The following ZFPM2 variants were observed in gnomAD, a reference collection of about 807,000 sequenced individuals.
ZFPM2 encodes the protein zinc finger protein ZFPM2.
ZFPM2 carries 20 observed loss-of-function variants against 98.6 expected under a neutral mutation model. The ratio of observed to expected loss-of-function variants is 0.20; its 90% CI spans 0.14 to 0.29. The LOEUF (loss-of-function observed/expected upper bound fraction) is 0.29, where lower values mean the gene tolerates loss of function less well. ZFPM2 is among the 10% of genes least tolerant of loss of function. The pLI, the probability that ZFPM2 is intolerant of heterozygous loss-of-function variation, is 1.00. For synonymous variants in ZFPM2, 518 were observed against 502.7 expected, an observed-to-expected ratio of 1.03 and a Z score of -0.41; for missense variants, 1,310 against 1,388.6, an observed-to-expected ratio of 0.94 and a Z score of 0.90.
chr8:105,653,333 G>C (rs2130872487), intron 5 of ZFPM2, among the ~76,000 whole-genome samples: 1 of 152,132 alleles, frequency 6.6e-6, no homozygotes, highest in East Asian at 1.9e-4. Context: ...CATTGAAATG[G>C]TAGTTGAATT....
chr8:105,323,181 A>G (rs1052884757), intron 1 of ZFPM2, among the ~76,000 whole-genome samples: 2 of 151,840 alleles, frequency 1.3e-5, no homozygotes, highest in African/African-American at 4.8e-5. Context: ...TTTAGGGTTA[A>G]TTATCTACTG....
chr8:105,769,953 T>A (rs116854928), intron 5 of ZFPM2, among the ~76,000 whole-genome samples: 1,683 of 152,182 alleles, frequency 0.011, 12 homozygotes, highest in Non-Finnish European at 0.016. Context: ...TAAAGAAAGA[T>A]CATCTGTTGT....
At chr8:105,720,711 G>A (rs1003498392) in intron 5 of ZFPM2, among the ~76,000 whole-genome samples, 30 of 151,760 alleles carry the variant, frequency 2.0e-4, no homozygotes, top group Admixed American at 7.2e-4. Context: ...TCAGGTCCCC[G>A]AGACAATCAT....
At chr8:105,660,702 A>G (rs1220214107) in intron 5 of ZFPM2, among the ~76,000 whole-genome samples, 2 of 152,192 alleles carry the variant, frequency 1.3e-5, no homozygotes, top group Non-Finnish European at 2.9e-5. Flanking sequence ...AACTTCTGGT[A>G]TCACCATGCC....
intron 4 of ZFPM2, among the ~76,000 whole-genome samples, chr8:105,591,002 G>A (rs1419010963): frequency 6.6e-6 from 1 of 152,188 alleles, no homozygotes; most frequent in Non-Finnish European, 1.5e-5. Context: ...TCAGTTGTGG[G>A]CAGATAAGTT....
chr8:105,802,960 C>CTT lies in ZFPM2; in HGVS notation c.2878_2879insTT (p.His960LeufsTer14), dbSNP rs1280740222. ...CATTGCTACAAAAGAAGAAAACAGACATTTGTTTCTTCCACAATGCCTTTA... is the reference window on the plus strand; with the variant it reads ...CATTGCTACAAAAGAAGAAAACAGACTTATTTGTTTCTTCCACAATGCCTTTA... On this transcript the variant is annotated frameshift_variant, in exon 8 of 8. Coordinates refer to ENST00000407775, the MANE Select transcript of ZFPM2 (RefSeq NM_012082.4). LOFTEE classifies it high-confidence loss of function. 6.2e-7 allele frequency: 1 copy of CTT among 1,612,680 alleles called. No individual in the cohort carries two copies. Among genetic ancestry groups the CTT allele is most frequent in the East Asian group, 2.2e-5 (1 of 44,830 alleles).
intron 1 of ZFPM2, among the ~76,000 whole-genome samples, chr8:105,397,694 T>C (rs913685776): frequency 2.0e-5 from 3 of 152,160 alleles, no homozygotes; most frequent in Admixed American, 2.0e-4. Context: ...GACAATTAAG[T>C]TTTATTAAAA....
intron 5 of ZFPM2, among the ~76,000 whole-genome samples, chr8:105,641,117 A>T (rs1586168144): frequency 6.6e-6 from 1 of 152,062 alleles, no homozygotes; most frequent in East Asian, 1.9e-4. Flanking sequence ...GTACAACTGG[A>T]TAATAACCAA....
chr8:105,623,695 A>G (rs1245067993), intron 4 of ZFPM2, among the ~76,000 whole-genome samples: 1 of 152,150 alleles, frequency 6.6e-6, no homozygotes, highest in Non-Finnish European at 1.5e-5. Flanking sequence ...CTTCCACAGA[A>G]TACCTTTGGG....
At chr8:105,506,885 G>A (rs531586120) in intron 3 of ZFPM2, among the ~76,000 whole-genome samples, 5 of 151,140 alleles carry the variant, frequency 3.3e-5, no homozygotes, top group Non-Finnish European at 5.9e-5. Flanking sequence ...CTAGTTGGGA[G>A]GCTGAGGCAG....
chr8:105,525,251 G>A (rs552029641), intron 3 of ZFPM2, among the ~76,000 whole-genome samples: 7 of 152,164 alleles, frequency 4.6e-5, no homozygotes, highest in Non-Finnish European at 1.0e-4. Context: ...CTCTTGTTCC[G>A]TCAATAGTGT....
intron 4 of ZFPM2, among the ~76,000 whole-genome samples, chr8:105,612,021 G>A (rs1586149449): frequency 6.6e-6 from 1 of 151,988 alleles, no homozygotes; most frequent in East Asian, 1.9e-4. Context: ...TTAGACACAA[G>A]AATTCATATT....
At chr8:105,581,136 A>G (rs890932595) in intron 4 of ZFPM2, among the ~76,000 whole-genome samples, 1 of 152,170 alleles carries the variant, frequency 6.6e-6, no homozygotes, top group African/African-American at 2.4e-5. Context: ...CTAGATTTCC[A>G]GAAGATGTAA....
intron 3 of ZFPM2, among the ~76,000 whole-genome samples, chr8:105,470,965 TC>T (rs1309580117): frequency 6.6e-6 from 1 of 152,188 alleles, no homozygotes; most frequent in Non-Finnish European, 1.5e-5. Flanking sequence ...GGCTGACATT[TC>T]AAAAAAAATG....
chr8:105,428,383 G>C (rs1811955570), intron 2 of ZFPM2, among the ~76,000 whole-genome samples: 1 of 152,158 alleles, frequency 6.6e-6, no homozygotes, highest in African/African-American at 2.4e-5. Context: ...AAACCATTTT[G>C]TAATAAGAGG....
intron 5 of ZFPM2, among the ~76,000 whole-genome samples, chr8:105,670,518 A>AAAAC (rs1299845807): frequency 6.6e-6 from 1 of 151,038 alleles, no homozygotes; most frequent in African/African-American, 2.4e-5. Context: ...AAAAAAAAAA[A>AAAAC]AGCTGAAACT....
chr8:105,747,507 A>G (rs1812375666), intron 5 of ZFPM2, among the ~76,000 whole-genome samples: 1 of 152,110 alleles, frequency 6.6e-6, no homozygotes, highest in Non-Finnish European at 1.5e-5. Context: ...TACACAGAAG[A>G]TAAGAATTTA....
At chr8:105,448,749 A>G (rs1448897648) in intron 3 of ZFPM2, among the ~76,000 whole-genome samples, 2 of 152,036 alleles carry the variant, frequency 1.3e-5, no homozygotes. Context: ...AAATACTGTG[A>G]TTTGGATGAA....
chr8:105,381,541 A>C (rs1352154659), intron 1 of ZFPM2, among the ~76,000 whole-genome samples: 1 of 152,106 alleles, frequency 6.6e-6, no homozygotes, highest in Admixed American at 6.6e-5. Flanking sequence ...TTCAAATCAT[A>C]TAAGTTATGG....
Sources: gnomAD v4.1 joint callset for allele counts (sites outside exome capture counted in the v4.1 genomes callset) on GRCh38, gnomAD v4.1.1 for gene constraint, MANE v1.5 for transcripts, NCBI Gene and HGNC (gene_info 2026-07-23, HGNC 2026-07-21) for gene names.